MYCT1: variants seen among roughly 807,000 people sequenced by gnomAD.
MYCT1 encodes the protein MYC target 1, also known as myc target protein 1.
A neutral mutation model predicts 15.0 loss-of-function variants in MYCT1; 12 were observed. The ratio of observed to expected loss-of-function variants is 0.80; its 90% CI spans 0.51 to 1.29. The LOEUF is 1.29. Among genes scored for constraint, MYCT1 ranks in the 50% most tolerant of loss-of-function variants. MYCT1 has a pLI of 0.00. For synonymous variants in MYCT1, 104 were observed against 102.7 expected (o/e 1.01, Z -0.07); for missense variants, 287 against 279.1 (o/e 1.03, Z -0.20).
the MYCT1 span, among the ~76,000 whole-genome samples, chr6:152,731,640 G>A: frequency 6.6e-6 from 1 of 152,000 alleles, no homozygotes; most frequent in African/African-American, 2.4e-5. Context: ...CTGTCCTTGC[G>A]ATAGTTTGCT....
chr6:152,734,144 A>G, the MYCT1 span, among the ~76,000 whole-genome samples: 11 of 152,140 alleles, frequency 7.2e-5, no homozygotes, highest in Admixed American at 2.0e-4. Flanking sequence ...ACTATCCTTT[A>G]GAGGTAGATG....
chr6:152,718,848 C>G (rs1463524907), intron 1 of MYCT1, among the ~76,000 whole-genome samples: 3 of 151,802 alleles, frequency 2.0e-5, no homozygotes, highest in African/African-American at 4.8e-5. Context: ...ATCTATTATG[C>G]CTGCTTATAT....
the MYCT1 span, among the ~76,000 whole-genome samples, chr6:152,745,220 C>T: frequency 6.6e-6 from 1 of 152,164 alleles, no homozygotes. Flanking sequence ...TGACTATACA[C>T]AATTCAAGGC....
the MYCT1 span, among the ~76,000 whole-genome samples, chr6:152,742,985 C>G: frequency 6.6e-6 from 1 of 152,126 alleles, no homozygotes; most frequent in East Asian, 1.9e-4. Flanking sequence ...AATACTTAGG[C>G]TCAGCACTGT....
At chr6:152,720,497 C>T (rs1179754622) in intron 1 of MYCT1, among the ~76,000 whole-genome samples, 5 of 152,070 alleles carry the variant, frequency 3.3e-5, no homozygotes, top group Non-Finnish European at 7.4e-5. Flanking sequence ...ATACAGACTA[C>T]CTACATAAGC....
the MYCT1 span, among the ~76,000 whole-genome samples, chr6:152,740,312 A>G: frequency 1.3e-5 from 2 of 152,174 alleles, no homozygotes; most frequent in Non-Finnish European, 2.9e-5. Context: ...AGCCTCCCAA[A>G]GTGCTGGGAC....
At chr6:152,705,930 G>A in intron 1 of MYCT1, 1 of 772,238 alleles carries the variant, frequency 1.3e-6, no homozygotes, top group Non-Finnish European at 2.4e-6. Context: ...TATGGTCAGA[G>A]ATTTTGTGAA....
chr6:152,716,108 G>A (rs374599432), intron 1 of MYCT1, among the ~76,000 whole-genome samples: 3 of 152,196 alleles, frequency 2.0e-5, no homozygotes, highest in Admixed American at 2.0e-4. Context: ...ACAGATGTGG[G>A]AATGTGGCCA....
At chr6:152,706,971 T>C (rs2099722396) in intron 1 of MYCT1, among the ~76,000 whole-genome samples, 1 of 152,094 alleles carries the variant, frequency 6.6e-6, no homozygotes, top group Admixed American at 6.6e-5. Flanking sequence ...GCAATGAACA[T>C]GGAAGTGCAG....
chr6:152,730,912 A>AT, the MYCT1 span, among the ~76,000 whole-genome samples: 1 of 152,246 alleles, frequency 6.6e-6, no homozygotes, highest in Non-Finnish European at 1.5e-5. Flanking sequence ...ACTGCTGGCA[A>AT]AATTAAATAT....
At chr6:152,730,004 A>T in the MYCT1 span, among the ~76,000 whole-genome samples, 1 of 152,224 alleles carries the variant, frequency 6.6e-6, no homozygotes, top group South Asian at 2.1e-4. Flanking sequence ...CCTCAGAGAG[A>T]GGCAGTAAAA....
chr6:152,727,903 C>G (rs529985863), downstream of MYCT1, among the ~76,000 whole-genome samples: 15 of 152,130 alleles, frequency 9.9e-5, no homozygotes, highest in Non-Finnish European at 2.1e-4. Flanking sequence ...GTGGCTCACG[C>G]CTGTAATCCC....
the MYCT1 span, among the ~76,000 whole-genome samples, chr6:152,739,178 A>G: frequency 2.0e-5 from 3 of 151,838 alleles, no homozygotes; most frequent in Admixed American, 2.0e-4. Context: ...TTCGTTGCCA[A>G]ATAGTTTCCC....
the MYCT1 span, among the ~76,000 whole-genome samples, chr6:152,741,964 A>G: frequency 6.6e-6 from 1 of 152,342 alleles, no homozygotes; most frequent in South Asian, 2.1e-4. Context: ...CAAAGAACTG[A>G]AAACTAAAAC....
At chr6:152,739,177 A>G in the MYCT1 span, among the ~76,000 whole-genome samples, 1 of 151,830 alleles carries the variant, frequency 6.6e-6, no homozygotes, top group Non-Finnish European at 1.5e-5. Context: ...CTTCGTTGCC[A>G]AATAGTTTCC....
the MYCT1 span, among the ~76,000 whole-genome samples, chr6:152,739,103 T>A: frequency 3.3e-5 from 5 of 151,878 alleles, no homozygotes; most frequent in Non-Finnish European, 7.4e-5. Flanking sequence ...AGGATACTTT[T>A]AAAAAAATAA....
intron 1 of MYCT1, among the ~76,000 whole-genome samples, chr6:152,716,530 A>T (rs559595031): frequency 8.5e-5 from 13 of 152,300 alleles, no homozygotes; most frequent in African/African-American, 3.1e-4. Context: ...ACTAAATTTT[A>T]ATACCAGTGG....
chr6:152,717,667 T>G (rs1262586977), intron 1 of MYCT1, among the ~76,000 whole-genome samples: 7 of 152,142 alleles, frequency 4.6e-5, no homozygotes, highest in Admixed American at 3.3e-4. Context: ...CCCAGCCATG[T>G]GGAAATGTAA....
the MYCT1 span, among the ~76,000 whole-genome samples, chr6:152,743,451 T>A: frequency 6.6e-6 from 1 of 152,218 alleles, no homozygotes; most frequent in Non-Finnish European, 1.5e-5. Flanking sequence ...CCCGTTAGGA[T>A]GCATCTCAAC....
Sources: gnomAD v4.1 joint callset for allele counts (sites outside exome capture counted in the v4.1 genomes callset) on GRCh38, gnomAD v4.1.1 for gene constraint, MANE v1.5 for transcripts, NCBI Gene and HGNC (gene_info 2026-07-23, HGNC 2026-07-21) for gene names.